Variants in ROR2 observed in about 807,000 individuals in gnomAD.
ROR2 encodes the protein tyrosine-protein kinase transmembrane receptor ROR2.
In ROR2, 33 loss-of-function variants were observed where a neutral mutation model predicts 74.9. The observed-to-expected ratio is 0.44, with a 90% confidence interval of 0.33 to 0.59. The LOEUF is 0.59. Among genes scored for constraint, ROR2 ranks in the 20% least tolerant of loss-of-function variants. The pLI is 0.02. For missense variants in ROR2, 1,216 were observed against 1,313.8 expected (o/e 0.93, Z 1.15); for synonymous variants, 586 against 558.7 (o/e 1.05, Z -0.69).
chr9:91,743,246 T>A lies in ROR2; in HGVS notation c.495-5728A>T, dbSNP rs114617901. 4.2e-3 allele frequency among the ~76,000 whole-genome samples: 642 copies of A among 152,160 alleles called. 5 individuals carry two copies. Among genetic ancestry groups the A allele is most frequent in the African/African-American group, 0.015 (619 of 41,512 alleles). ...GCAAAGAGACAAAAAGACTGACAAC[T>A]CTGATACAAATATCTAACAAGGACA... On this transcript the variant is annotated intron_variant, in intron 4 of 8. Coordinates refer to ENST00000375708, the MANE Select transcript of ROR2 (RefSeq NM_004560.4).
intron 1 of ROR2, among the ~76,000 whole-genome samples, chr9:91,788,667 C>A (rs1826874478): frequency 6.6e-6 from 1 of 152,028 alleles, no homozygotes; most frequent in Non-Finnish European, 1.5e-5. Context: ...GAGTTCAAGA[C>A]CAGCCTGGCC....
At chr9:91,727,345 G>A (rs1837077203) in intron 7 of ROR2, among the ~76,000 whole-genome samples, 1 of 151,336 alleles carries the variant, frequency 6.6e-6, no homozygotes, top group African/African-American at 2.4e-5. Flanking sequence ...AGGGGCACAA[G>A]AATTCTTGGA....
intron 1 of ROR2, among the ~76,000 whole-genome samples, chr9:91,944,134 A>T (rs1275355106): frequency 6.6e-6 from 1 of 152,188 alleles, no homozygotes; most frequent in Non-Finnish European, 1.5e-5. Context: ...CAAACTGCAC[A>T]CCTAGGCTAT....
intron 1 of ROR2, among the ~76,000 whole-genome samples, chr9:91,875,619 GA>G (rs990285452): frequency 6.6e-6 from 1 of 152,138 alleles, no homozygotes; most frequent in African/African-American, 2.4e-5. Context: ...GACGTGCCAA[GA>G]TAAGAAAACA....
At chr9:91,858,334 C>T (rs113464785) in intron 1 of ROR2, among the ~76,000 whole-genome samples, 3 of 152,324 alleles carry the variant, frequency 2.0e-5, no homozygotes, top group African/African-American at 7.2e-5. Context: ...CACACACATG[C>T]AGGCACCTGC....
At chr9:91,839,266 G>A (rs1299247697) in intron 1 of ROR2, among the ~76,000 whole-genome samples, 1 of 134,606 alleles carries the variant, frequency 7.4e-6, no homozygotes, top group African/African-American at 3.4e-5. Flanking sequence ...GTGTGTGTGT[G>A]TGTGTGTGTG....
chr9:91,931,289 C>T (rs765216490), intron 1 of ROR2, among the ~76,000 whole-genome samples: 11 of 152,096 alleles, frequency 7.2e-5, no homozygotes, highest in Non-Finnish European at 1.6e-4. Context: ...TAAGGAAGAA[C>T]TGTAATATTA....
intron 1 of ROR2, among the ~76,000 whole-genome samples, chr9:91,800,892 C>A (rs7872107): frequency 0.1 from 15,171 of 152,192 alleles, 1,268 homozygotes; most frequent in East Asian, 0.3. Context: ...AAAACAGATG[C>A]CAAGTCTGAC....
chr9:91,885,941 T>C (rs541031846), intron 1 of ROR2, among the ~76,000 whole-genome samples: 19 of 144,322 alleles, frequency 1.3e-4, no homozygotes, highest in African/African-American at 4.8e-4. Context: ...TGTCGCAATC[T>C]CAGCTCACTG....
intron 1 of ROR2, among the ~76,000 whole-genome samples, chr9:91,813,943 G>A (rs1186293728): frequency 1.3e-5 from 2 of 152,218 alleles, no homozygotes; most frequent in African/African-American, 4.8e-5. Flanking sequence ...TATGGGACAT[G>A]GTGGCACTGA....
intron 1 of ROR2, among the ~76,000 whole-genome samples, chr9:91,922,462 T>TTA (rs1374828882): frequency 2.0e-5 from 3 of 152,088 alleles, no homozygotes; most frequent in Non-Finnish European, 2.9e-5. Flanking sequence ...TTTTTTATTT[T>TTA]TTATTTTTTG....
chr9:91,776,122 G>A, intron 1 of ROR2, among the ~76,000 whole-genome samples: 1 of 152,330 alleles, frequency 6.6e-6, no homozygotes, highest in East Asian at 1.9e-4. Context: ...GAGCGGGAAG[G>A]AGAGGGAGAG....
rs1836983901 is a variant in ROR2 at position 91,725,194 on chromosome 9, C to T, written c.1387-87G>A. ...AGAGCAGCCGGGAGGAGTGGAGTCC[C>T]TGTGCGGCCACGACTAGGGGGGCCT... On this transcript the variant is annotated intron_variant, in intron 8 of 8. Transcript: ENST00000375708. 3.1e-6 allele frequency: 5 copies of T among 1,600,336 alleles called. No homozygotes were observed. The South Asian group carries it at 4.4e-5, about 14-fold the overall frequency.
chr9:91,753,555 T>A (rs1825653249), intron 4 of ROR2, among the ~76,000 whole-genome samples: 1 of 152,172 alleles, frequency 6.6e-6, no homozygotes, highest in South Asian at 2.1e-4. Context: ...GCCCCTTTAG[T>A]TTTTCCTCTT....
intron 4 of ROR2, among the ~76,000 whole-genome samples, chr9:91,745,065 T>C (rs148890445): frequency 2.6e-4 from 40 of 152,290 alleles, no homozygotes; most frequent in African/African-American, 8.4e-4. Flanking sequence ...ATTTTCATTA[T>C]TGTTGAAATG....
chr9:91,949,029 G>A (rs939997641), intron 1 of ROR2: 4 of 744,286 alleles, frequency 5.4e-6, no homozygotes, highest in Non-Finnish European at 6.6e-6. Context: ...AACCGCGCAG[G>A]GACTCGGGGG....
chr9:91,805,974 C>G (rs1426505212), intron 1 of ROR2, among the ~76,000 whole-genome samples: 1 of 152,152 alleles, frequency 6.6e-6, no homozygotes, highest in East Asian at 1.9e-4. Flanking sequence ...AGTTGAGGGG[C>G]ACTTGAGGAT....
chr9:91,879,433 T>C (rs1382415063), intron 1 of ROR2, among the ~76,000 whole-genome samples: 1 of 147,824 alleles, frequency 6.8e-6, no homozygotes, highest in Non-Finnish European at 1.5e-5. Context: ...GGTGTGTGGG[T>C]GTGGGGGGGT....
intron 1 of ROR2, among the ~76,000 whole-genome samples, chr9:91,851,555 G>A (rs866195103): frequency 9.2e-5 from 14 of 152,076 alleles, no homozygotes; most frequent in Admixed American, 2.0e-4. Flanking sequence ...TCAGTTCTAC[G>A]TGGACTTCAG....
Sources: allele counts gnomAD v4.1 joint callset (sites outside exome capture counted in the v4.1 genomes callset), GRCh38; gene constraint gnomAD v4.1.1; transcripts MANE v1.5; gene names NCBI Gene and HGNC (gene_info 2026-07-23, HGNC 2026-07-21).